EXOC4: variants seen among roughly 807,000 people sequenced by gnomAD.
EXOC4 encodes the protein SEC8-like 1.
Under a neutral mutation model 107.2 loss-of-function variants are expected in EXOC4, and 71 were observed. That is an observed-to-expected ratio of 0.66 (90% CI 0.55 to 0.81). The LOEUF (loss-of-function observed/expected upper bound fraction) is 0.81. Among genes scored for constraint, EXOC4 ranks in the 30% least tolerant of loss-of-function variants. EXOC4 has a pLI of 0.00. For missense variants in EXOC4, 1,108 were observed against 1,189.6 expected, an observed-to-expected ratio of 0.93 and a Z score of 1.01; for synonymous variants, 456 against 441.2, an observed-to-expected ratio of 1.03 and a Z score of -0.42.
At chr7:133,766,421 T>A (rs1205824709) in intron 10 of EXOC4, among the ~76,000 whole-genome samples, 1 of 152,056 alleles carries the variant, frequency 6.6e-6, no homozygotes, top group African/African-American at 2.4e-5. Context: ...AACTTCAATT[T>A]AATATGCTTC....
At chr7:133,877,786 C>T (rs1798881581) in intron 11 of EXOC4, among the ~76,000 whole-genome samples, 1 of 152,162 alleles carries the variant, frequency 6.6e-6, no homozygotes, top group African/African-American at 2.4e-5. Flanking sequence ...TCTTTCTCTC[C>T]CCACCCTCCT....
intron 1 of EXOC4, among the ~76,000 whole-genome samples, chr7:133,261,113 A>G (rs1404843053): frequency 6.6e-6 from 1 of 152,144 alleles, no homozygotes; most frequent in African/African-American, 2.4e-5. Flanking sequence ...CTCTGCTTAC[A>G]TGTTTTAACT....
rs185445070 is a variant in EXOC4 at position 133,495,166 on chromosome 7, C to A, written c.1417+15028C>A. On this transcript the variant is annotated intron_variant, in intron 9 of 17. Coordinates refer to ENST00000253861, the MANE Select transcript of EXOC4 (RefSeq NM_021807.4). Reference sequence around the variant, plus strand: ...ACTAGGGAGGCTGAGGCAGGAGAATCGCTTGAGGCTGGGAAACGGAGATTG... The same window carrying A: ...ACTAGGGAGGCTGAGGCAGGAGAATAGCTTGAGGCTGGGAAACGGAGATTG... Among the ~76,000 whole-genome samples the A allele has an allele frequency of 4.6e-5, 7 of 151,792 alleles. No homozygotes were observed. The East Asian group carries it at 1.2e-3, about 25-fold the overall frequency.
At chr7:134,096,524 A>G in the EXOC4 span, among the ~76,000 whole-genome samples, 2 of 152,192 alleles carry the variant, frequency 1.3e-5, no homozygotes, top group Non-Finnish European at 1.5e-5. Context: ...GTCCCACAAT[A>G]GGCCATCTGC....
chr7:133,576,452 A>T, intron 9 of EXOC4: 1 of 1,236,608 alleles, frequency 8.1e-7, no homozygotes, highest in African/African-American at 1.6e-5. Context: ...TTAAAAAATT[A>T]TTTAACCCAT....
At chr7:133,875,217 C>G (rs1199086458) in intron 11 of EXOC4, among the ~76,000 whole-genome samples, 1 of 152,178 alleles carries the variant, frequency 6.6e-6, no homozygotes, top group East Asian at 1.9e-4. Flanking sequence ...AATGACTGCT[C>G]TAGTTTCTCA....
At chr7:133,602,559 C>A (rs1483640811) in intron 9 of EXOC4, among the ~76,000 whole-genome samples, 1 of 152,164 alleles carries the variant, frequency 6.6e-6, no homozygotes, top group African/African-American at 2.4e-5. Context: ...AACACGGGGT[C>A]TAGGGTTTCT....
chr7:133,835,694 A>G (rs543611588), intron 11 of EXOC4, among the ~76,000 whole-genome samples: 2 of 152,328 alleles, frequency 1.3e-5, no homozygotes, highest in Admixed American at 1.3e-4. Context: ...TCCCTGGGTA[A>G]GTATATTTTT....
At chr7:133,509,866 C>G (rs1206442194) in intron 9 of EXOC4, among the ~76,000 whole-genome samples, 1 of 152,152 alleles carries the variant, frequency 6.6e-6, no homozygotes, top group African/African-American at 2.4e-5. Flanking sequence ...GTAAATTATT[C>G]CACATGTATC....
intron 9 of EXOC4, among the ~76,000 whole-genome samples, chr7:133,491,452 G>A (rs907763823): frequency 6.6e-6 from 1 of 152,122 alleles, no homozygotes; most frequent in Admixed American, 6.6e-5. Flanking sequence ...GAGTAGCTTG[G>A]GGTTTAGTAG....
chr7:133,848,960 A>G (rs981536787), intron 11 of EXOC4, among the ~76,000 whole-genome samples: 6 of 152,262 alleles, frequency 3.9e-5, no homozygotes, highest in African/African-American at 1.4e-4. Flanking sequence ...GTTATAGGAG[A>G]GCCCTTCTTA....
At position 133,971,008 on chromosome 7, in the gene EXOC4, G is replaced by C. The variant is rs549978003; in HGVS notation, c.2207-26484G>C. Among the ~76,000 whole-genome samples, 268 of 152,126 alleles carry C rather than the reference G, an allele frequency of 1.8e-3. 4 individuals carry two copies. The highest frequency in any genetic ancestry group is 6.2e-3 in the African/African-American group (259 of 41,510). On this transcript the variant is annotated intron_variant, in intron 14 of 17. Transcript: ENST00000253861. ...CAGTTAAAAACCCCCAGAGAAGCTG[G>C]TTAAAGACTGAAGAGAGAACCTCAG...
intron 14 of EXOC4, among the ~76,000 whole-genome samples, chr7:133,958,536 T>C (rs1800868938): frequency 1.3e-5 from 2 of 152,218 alleles, no homozygotes; most frequent in Admixed American, 1.3e-4. Flanking sequence ...CTTTCTACTT[T>C]GACTTCTCTT....
chr7:133,344,857 A>G (rs571373483), intron 5 of EXOC4, among the ~76,000 whole-genome samples: 2 of 152,104 alleles, frequency 1.3e-5, no homozygotes, highest in African/African-American at 4.8e-5. Context: ...TTTGTTTGCA[A>G]TAAGGCCTTC....
chr7:133,749,755 T>C (rs185270302), intron 10 of EXOC4, among the ~76,000 whole-genome samples: 1 of 152,264 alleles, frequency 6.6e-6, no homozygotes, highest in Non-Finnish European at 1.5e-5. Flanking sequence ...TTCAAAGGAA[T>C]AATATTGTGT....
intron 10 of EXOC4, among the ~76,000 whole-genome samples, chr7:133,712,486 A>G (rs1445815595): frequency 1.4e-5 from 2 of 146,136 alleles, no homozygotes; most frequent in Non-Finnish European, 3.0e-5. Flanking sequence ...GAGCGCTCCT[A>G]CACTGCTGGT....
chr7:133,418,436 G>A (rs548102384), intron 7 of EXOC4, among the ~76,000 whole-genome samples: 1 of 152,298 alleles, frequency 6.6e-6, no homozygotes, highest in Admixed American at 6.5e-5. Context: ...CTAAGATACT[G>A]TTGAATTAAA....
intron 5 of EXOC4, among the ~76,000 whole-genome samples, chr7:133,328,394 G>A (rs886756836): frequency 6.6e-6 from 1 of 152,070 alleles, no homozygotes; most frequent in Non-Finnish European, 1.5e-5. Flanking sequence ...TTGCCAGTTT[G>A]TGCCTTTTAA....
intron 10 of EXOC4, among the ~76,000 whole-genome samples, chr7:133,772,401 T>C (rs1283946506): frequency 6.6e-6 from 1 of 152,082 alleles, no homozygotes; most frequent in Non-Finnish European, 1.5e-5. Context: ...CTTCCCTCTT[T>C]TCTAAAATAG....
Sources: allele counts gnomAD v4.1 joint callset (sites outside exome capture counted in the v4.1 genomes callset), GRCh38; gene constraint gnomAD v4.1.1; transcripts MANE v1.5; gene names NCBI Gene and HGNC (gene_info 2026-07-23, HGNC 2026-07-21).